Variants in MFAP1 observed in about 807,000 individuals in gnomAD.
MFAP1 encodes the protein microfibril associated protein 1, also known as microfibrillar-associated protein 1.
A neutral mutation model predicts 62.2 loss-of-function variants in MFAP1; 18 were observed. That is an observed-to-expected ratio of 0.29 (90% confidence interval 0.20 to 0.43). The LOEUF is 0.43. MFAP1 is among the 20% of genes least tolerant of loss of function. The pLI, the probability that MFAP1 is intolerant of heterozygous loss-of-function variation, is 1.00. For synonymous variants in MFAP1, 175 were observed against 180.4 expected (o/e 0.97, Z 0.24); for missense variants, 355 against 559.7 (o/e 0.63, Z 3.69).
intron 6 of MFAP1, among the ~76,000 whole-genome samples, chr15:43,810,535 C>T (rs970757410): frequency 6.6e-6 from 1 of 151,104 alleles, no homozygotes; most frequent in Non-Finnish European, 1.5e-5. Context: ...CCCAGCTAAT[C>T]TTTTTGAATT....
chr15:43,813,374 C>T lies in MFAP1; in HGVS notation c.618-17G>A, dbSNP rs2087414976. 1 of 1,597,022 alleles carries T rather than the reference C, an allele frequency of 6.3e-7. No individual in the cohort carries two copies. The highest frequency in any genetic ancestry group is 1.4e-5 in the African/African-American group (1 of 73,580). On this transcript the variant is annotated splice_polypyrimidine_tract_variant and intron_variant, in intron 4 of 8. Coordinates refer to ENST00000267812, the MANE Select transcript of MFAP1 (RefSeq NM_005926.3). ...CGGTCCTTCCTGCATCACAGAGATC[C>T]TGTTAATTGCCCAAAGTCCTTAGAG...
intron 1 of MFAP1, among the ~76,000 whole-genome samples, chr15:43,818,651 G>A (rs2087449657): frequency 6.6e-6 from 1 of 152,094 alleles, no homozygotes; most frequent in African/African-American, 2.4e-5. Context: ...GCAGCATTTT[G>A]GAAGGTTGAG....
intron 4 of MFAP1, among the ~76,000 whole-genome samples, 179 bp downstream of exon 4, chr15:43,814,322 G>C (rs2087421379): frequency 6.6e-6 from 1 of 152,208 alleles, no homozygotes; most frequent in African/African-American, 2.4e-5. Flanking sequence ...AACAAACTCA[G>C]GTTCTCTGCT....
At chr15:43,816,238 C>T (rs1000232454) in intron 2 of MFAP1, among the ~76,000 whole-genome samples, 2 of 137,742 alleles carry the variant, frequency 1.5e-5, no homozygotes. Flanking sequence ...ATTTTTTTTT[C>T]TTTTTTCTTT....
chr15:43,810,212 C>A, intron 6 of MFAP1: 3 of 268,704 alleles, frequency 1.1e-5, no homozygotes, highest in East Asian at 6.8e-5. Flanking sequence ...AAAAGGTCTT[C>A]TTAGCTTTAA....
At chr15:43,821,738 T>A (rs567736296) in intron 1 of MFAP1, among the ~76,000 whole-genome samples, 1 of 152,324 alleles carries the variant, frequency 6.6e-6, no homozygotes, top group East Asian at 1.9e-4. Context: ...TACTGGACTG[T>A]AAGCTAACTT....
At chr15:43,814,199 G>A (rs2087420536) in intron 4 of MFAP1, among the ~76,000 whole-genome samples, 2 of 152,124 alleles carry the variant, frequency 1.3e-5, no homozygotes, top group South Asian at 4.1e-4. Flanking sequence ...GTGGTGAGCC[G>A]AGATCATGCC....
chr15:43,805,356 G>A lies in MFAP1; in HGVS notation c.1137+20C>T, dbSNP rs760966391. On this transcript the variant is annotated intron_variant, in intron 8 of 8. Transcript: ENST00000267812. ...TCAATACATCACTTTTCTCTGTCATGTTATTAAGGTTCCCCATACCTGCAT... is the reference window on the plus strand; with the variant it reads ...TCAATACATCACTTTTCTCTGTCATATTATTAAGGTTCCCCATACCTGCAT... 2 of 1,607,836 alleles carry A rather than the reference G, an allele frequency of 1.2e-6. No homozygotes were observed. Among genetic ancestry groups the A allele is most frequent in the East Asian group, 2.2e-5 (1 of 44,872 alleles).
rs150844917 is a variant in MFAP1 at position 43,804,942 on chromosome 15, C to T, written c.*152G>A. On this transcript the variant is annotated 3_prime_UTR_variant, in exon 9 of 9. Transcript: ENST00000267812. ...GCATGAGTCCAAACCTCACAAAGCA[C>T]CTTCAAAGTCTGGGCTACCCAGTAT... 237 of 813,254 alleles carry T rather than the reference C, an allele frequency of 2.9e-4. No individual in the cohort carries two copies. In the African/African-American group the frequency reaches 3.7e-3, roughly 13 times the overall value. The allele number at this position is 813,254 out of a possible 1,614,324, so 50.4% of individuals were successfully genotyped here.
At chr15:43,806,039 C>T (rs141736268) in intron 7 of MFAP1, among the ~76,000 whole-genome samples, 2 of 151,336 alleles carry the variant, frequency 1.3e-5, no homozygotes, top group African/African-American at 4.8e-5. Context: ...CTCACTGAAG[C>T]CTTGACCTCC....
chr15:43,812,913 A>G, intron 6 of MFAP1, 74 bp downstream of exon 6: 1 of 1,514,376 alleles, frequency 6.6e-7, no homozygotes, highest in Non-Finnish European at 9.0e-7. Context: ...ACAGTAGGTA[A>G]TGAGTCTCAG....
intron 7 of MFAP1, among the ~76,000 whole-genome samples, chr15:43,807,755 TTTTAC>T (rs1596054900): frequency 2.0e-5 from 3 of 152,224 alleles, no homozygotes; most frequent in Non-Finnish European, 2.9e-5. Context: ...AGTACTTTAC[TTTTAC>T]TTATGTTATA....
At chr15:43,812,373 G>A (rs1286199040) in intron 6 of MFAP1, among the ~76,000 whole-genome samples, 1 of 152,092 alleles carries the variant, frequency 6.6e-6, no homozygotes, top group Non-Finnish European at 1.5e-5. Flanking sequence ...GCTTTGACCA[G>A]TATGTGGCAA....
At chr15:43,823,868 CAGG>C (rs1397098469) in intron 1 of MFAP1, among the ~76,000 whole-genome samples, 1 of 152,246 alleles carries the variant, frequency 6.6e-6, no homozygotes, top group African/African-American at 2.4e-5. Context: ...GAGGCTGAGG[CAGG>C]AGGACAGCCT....
At chr15:43,815,992 C>T (rs1050559862) in intron 2 of MFAP1, among the ~76,000 whole-genome samples, 1 of 152,166 alleles carries the variant, frequency 6.6e-6, no homozygotes, top group East Asian at 1.9e-4. Context: ...AGTCACACTA[C>T]ATTCCTTTCG....
At chr15:43,823,057 G>C (rs973712980) in intron 1 of MFAP1, among the ~76,000 whole-genome samples, 2 of 150,170 alleles carry the variant, frequency 1.3e-5, no homozygotes, top group Non-Finnish European at 3.0e-5. Flanking sequence ...GGTTGGTCTC[G>C]AACTCTTGAC....
intron 7 of MFAP1, among the ~76,000 whole-genome samples, chr15:43,807,143 G>A (rs776755756): frequency 6.6e-5 from 10 of 151,816 alleles, no homozygotes; most frequent in Non-Finnish European, 1.5e-4. Context: ...CTAAGGTCAG[G>A]AGTTCAAGAC....
intron 1 of MFAP1, among the ~76,000 whole-genome samples, chr15:43,820,268 G>C (rs1428380296): frequency 6.6e-6 from 1 of 152,162 alleles, no homozygotes; most frequent in Non-Finnish European, 1.5e-5. Context: ...AGTGAGCCGA[G>C]ATCGCGCCAC....
chr15:43,820,595 A>C (rs1445649274), intron 1 of MFAP1, among the ~76,000 whole-genome samples: 1 of 152,170 alleles, frequency 6.6e-6, no homozygotes. Context: ...ATAATTAGAA[A>C]GTACAATTTT....
Sources: gnomAD v4.1 joint callset for allele counts (sites outside exome capture counted in the v4.1 genomes callset) on GRCh38, gnomAD v4.1.1 for gene constraint, MANE v1.5 for transcripts, NCBI Gene and HGNC (gene_info 2026-07-23, HGNC 2026-07-21) for gene names.